APOB: variants seen among roughly 807,000 people sequenced by gnomAD.
APOB encodes apolipoprotein B-100.
In APOB, 153 loss-of-function variants were observed where a neutral mutation model predicts 314.1. The ratio of observed to expected loss-of-function variants is 0.49; its 90% CI spans 0.43 to 0.56. APOB has a LOEUF of 0.56. APOB is among the 20% of genes least tolerant of loss of function. APOB has a pLI of 0.00. For missense variants in APOB, 5,430 were observed against 5,350.7 expected, an observed-to-expected ratio of 1.01 and a Z score of -0.46; for synonymous variants, 2,087 against 2,036.4, an observed-to-expected ratio of 1.02 and a Z score of -0.67.
chr2:21,002,950 G>C lies in APOB; in HGVS notation c.12472C>G (p.Gln4158Glu). ...AQNLYQELLT[Q>E]EGQASFQGLK... ...CCCTGGAAACTGGCTTGGCCTTCCT[G>C]AGTCAACAGTTCCTGGTACAGATTC... Residue 4158 changes from glutamine to glutamate, a missense_variant, in exon 29 of 29, where the codon CAG becomes GAG. Transcript: ENST00000233242. 6.2e-7 allele frequency: 1 copy of C among 1,610,972 alleles called. No homozygotes were observed. The highest frequency in any genetic ancestry group is 1.7e-4 in the Middle Eastern group (1 of 6,044).
In APOB at chr2:21,012,572, A is replaced by G. The variant is rs563766253; in HGVS notation, c.4296T>C (p.Asp1432=). Residue 1432 remains aspartate, a synonymous_variant, in exon 26 of 29, where the codon GAT becomes GAC. Transcript: ENST00000233242. ...CDGSLRHKFL[D]SNIKFSHVEK... The stretch of plus-strand genomic sequence containing the variant: ...CTACATGACTGAATTTGATATTCGA[A>G]TCTAGAAATTTGTGGCGTAGAGACC... 43 of 1,614,002 alleles carry G rather than the reference A, an allele frequency of 2.7e-5. No individual in the cohort carries two copies. In the South Asian group the frequency reaches 3.8e-4, roughly 14 times the overall value.
chr2:21,033,216 G>T, intron 9 of APOB, 83 bp downstream of exon 9: 2 of 1,040,386 alleles, frequency 1.9e-6, no homozygotes, highest in South Asian at 1.3e-5. Context: ...AATGGTCCCT[G>T]AGATTCTCCA....
chr2:21,036,472 C>T (rs1480756741), intron 6 of APOB, among the ~76,000 whole-genome samples: 1 of 152,154 alleles, frequency 6.6e-6, no homozygotes, highest in Non-Finnish European at 1.5e-5. Flanking sequence ...CAGGCTGGGG[C>T]TCATATCAGG....
rs886055576 is a variant in APOB at position 21,004,609 on chromosome 2, C to T, written c.11855G>A (p.Arg3952His). The T allele has an allele frequency of 6.8e-6, 11 of 1,613,810 alleles. No homozygotes were observed. Among genetic ancestry groups the T allele is most frequent in the African/African-American group, 2.7e-5 (2 of 74,894 alleles). ...TTCTTCATATTCTGCACTGAAGTCA[C>T]GGTGTGCAAATGTTCCTTTAGTCTT... ...ASKTKGTFAH[R>H]DFSAEYEEDG... The change falls in exon 27 of 29, where the codon CGT becomes CAT. Residue 3952 changes from arginine to histidine, a missense_variant. Physicochemically the swap from Arg to His is conservative, Grantham distance 29. Transcript: ENST00000233242.
chr2:21,014,304 C>G, intron 24 of APOB, 144 bp downstream of exon 24: 1 of 916,258 alleles, frequency 1.1e-6, no homozygotes, highest in Non-Finnish European at 1.6e-6. Context: ...AAAGATGCCA[C>G]AGTGTTTGTG....
chr2:21,034,570 G>A (rs145710867), intron 8 of APOB, among the ~76,000 whole-genome samples: 3 of 152,290 alleles, frequency 2.0e-5, no homozygotes, highest in East Asian at 1.9e-4. Flanking sequence ...AATATGTCAT[G>A]TTAAACTTAG....
intron 15 of APOB, among the ~76,000 whole-genome samples, chr2:21,025,624 G>A (rs761465189): frequency 2.0e-5 from 3 of 152,178 alleles, no homozygotes; most frequent in African/African-American, 2.4e-5. Flanking sequence ...AAAAAAAAAT[G>A]TGAAACTGAC....
rs1663032823 is a variant in APOB at position 21,002,994 on chromosome 2, T to C, written c.12428A>G (p.Glu4143Gly). ...AASGTTGTYQ[E>G]WKDKAQNLYQ... ...CAGATTCTGGGCCTTGTCCTTCCACTCTTGGTAGGTCCCAGTGGTGCCACT... is the reference window on the plus strand; with the variant it reads ...CAGATTCTGGGCCTTGTCCTTCCACCCTTGGTAGGTCCCAGTGGTGCCACT... The change falls in exon 29 of 29, where the codon GAG becomes GGG. Residue 4143 changes from glutamate to glycine, a missense_variant. Glu to Gly is a moderately conservative substitution (Grantham distance 98, BLOSUM62 -2). Coordinates refer to ENST00000233242, the MANE Select transcript of APOB (RefSeq NM_000384.3). 6.3e-7 allele frequency: 1 copy of C among 1,584,776 alleles called. No individual in the cohort carries two copies. The highest frequency in any genetic ancestry group is 8.6e-7 in the Non-Finnish European group (1 of 1,163,924).
intron 18 of APOB, among the ~76,000 whole-genome samples, chr2:21,021,104 T>C (rs1009698241): frequency 6.6e-6 from 1 of 152,224 alleles, no homozygotes; most frequent in African/African-American, 2.4e-5. Flanking sequence ...CAGCTAGATT[T>C]CTAAACTGGT....
Position 21,006,143 on chromosome 2 carries a change from G to A in APOB, c.10725C>T (p.Gly3575=). The A allele has an allele frequency of 6.2e-7, 1 of 1,613,956 alleles. No individual in the cohort carries two copies. Among genetic ancestry groups the A allele is most frequent in the Non-Finnish European group, 8.5e-7 (1 of 1,179,950 alleles). ...HSTKNHLQLE[G]LFFTNGEHTS... The stretch of plus-strand genomic sequence containing the variant: ...TATGTTCTCCGTTGGTGAAAAAGAG[G>A]CCCTCTAGCTGTAAGTGGTTTTTCG... The change falls in exon 26 of 29, where the codon GGC becomes GGT. Residue 3575 remains glycine, a synonymous_variant. Transcript: ENST00000233242.
At chr2:21,023,474 C>A in intron 17 of APOB, 51 bp downstream of exon 17, 1 of 1,597,664 alleles carries the variant, frequency 6.3e-7, no homozygotes, top group Non-Finnish European at 8.6e-7. Context: ...AAGAAATGCA[C>A]CCTGGAAGAA....
chr2:21,034,229 C>T (rs915106492), intron 8 of APOB, among the ~76,000 whole-genome samples: 26 of 152,188 alleles, frequency 1.7e-4, no homozygotes, highest in African/African-American at 6.3e-4. Flanking sequence ...TAATATTCTG[C>T]GGCCTTGACT....
In APOB at chr2:21,008,088, C is replaced by T. The variant is rs1238287235; in HGVS notation, c.8780G>A (p.Gly2927Glu). ...GHIAWTSSGK[G>E]SWKWACPRFS... ...TCTGGGGCAGGCCCATTTCCATGAC[C>T]CTTTTCCAGAAGAAGTCCATGCTAT... Residue 2927 changes from glycine to glutamate, a missense_variant, in exon 26 of 29, where the codon GGG (glycine) becomes GAG (glutamate). Transcript: ENST00000233242. The T allele has an allele frequency of 6.2e-7, 1 of 1,613,914 alleles. No homozygotes were observed. The highest frequency in any genetic ancestry group is 1.3e-5 in the African/African-American group (1 of 74,902).
In APOB at chr2:21,001,769, G is replaced by A. The variant is rs2103345991; in HGVS notation, c.13653C>T (p.Tyr4551=). ...KLQSTTVMNP[Y]MKLAPGELTI... is the part of the protein sequence containing the mutation. ...TAAGTTCTCCTGGAGCAAGCTTCAT[G>A]TAGGGGTTCATGACTGTGGTTGATT... Residue 4551 remains tyrosine, a synonymous_variant, in exon 29 of 29, where the codon TAC becomes TAT. Coordinates refer to ENST00000233242, the MANE Select transcript of APOB (RefSeq NM_000384.3). 1.9e-6 allele frequency: 3 copies of A among 1,614,032 alleles called. No homozygotes were observed. Among genetic ancestry groups the A allele is most frequent in the African/African-American group, 1.3e-5 (1 of 75,054 alleles).
intron 1 of APOB, 152 bp from the exon 2 acceptor site, chr2:21,043,703 C>A (rs1476140292): frequency 2.0e-6 from 3 of 1,502,958 alleles, no homozygotes; most frequent in Non-Finnish European, 2.7e-6. Context: ...CCGCGCCCCC[C>A]ATCCTGAGCC....
At position 21,006,819 on chromosome 2, in the gene APOB, A is replaced by G. The variant is rs756338430; in HGVS notation, c.10049T>C (p.Leu3350Pro). ...GTTAAAAAGTTCAGCATTGGTATTC[A>G]GTGTGATGACACTTGATTTAAAGGA... Reference protein sequence around the residue: ...DFSFKSSVITLNTNAELFNQS... With the variant: ...DFSFKSSVITPNTNAELFNQS... The change falls in exon 26 of 29, where the codon CTG becomes CCG. Residue 3350 changes from leucine to proline, a missense_variant. Around this residue, in one of 3 missense-constraint regions of APOB, gnomAD observed 3,281 missense variants for 3,171.0 expected, o/e 1.03. Transcript: ENST00000233242. 3 of 1,614,140 alleles carry G rather than the reference A, an allele frequency of 1.9e-6. No homozygotes were observed. Among genetic ancestry groups the G allele is most frequent in the Admixed American group, 1.7e-5 (1 of 60,026 alleles).
intron 14 of APOB, among the ~76,000 whole-genome samples, chr2:21,027,541 C>A (rs1288543546): frequency 1.3e-5 from 2 of 152,062 alleles, no homozygotes; most frequent in African/African-American, 2.4e-5. Flanking sequence ...TGTCGATATC[C>A]TGACCTCATG....
rs1473692155 is a variant in APOB at position 21,007,267 on chromosome 2, T to A, written c.9601A>T (p.Ile3201Phe). The change falls in exon 26 of 29, where the codon ATC becomes TTC. Residue 3201 changes from isoleucine to phenylalanine, a missense_variant. Physicochemically the swap from Ile to Phe is conservative, Grantham distance 21. Around this residue, in one of 3 missense-constraint regions of APOB, gnomAD observed 3,281 missense variants for 3,171.0 expected, o/e 1.03. Transcript: ENST00000233242. ...TCAAAATGCCTGTCAAAGGATTTGA[T>A]GCTCTGACTGATAAACTCACAAAGC... is the stretch of plus-strand genomic sequence containing the variant. ...AVLCEFISQSIKSFDRHFEKN... is the reference protein window; with the variant it reads ...AVLCEFISQSFKSFDRHFEKN... The A allele has an allele frequency of 1.9e-6, 3 of 1,613,504 alleles. No individual in the cohort carries two copies. The highest frequency in any genetic ancestry group is 2.5e-6 in the Non-Finnish European group (3 of 1,179,654).
chr2:21,030,164 A>G (rs1663839275), intron 10 of APOB, 149 bp from the exon 11 acceptor site: 1 of 655,314 alleles, frequency 1.5e-6, no homozygotes, highest in African/African-American at 1.8e-5. Context: ...AGCAAAAAGA[A>G]CATAGCTGGA....
Sources: allele counts gnomAD v4.1 joint callset (sites outside exome capture counted in the v4.1 genomes callset), GRCh38; gene constraint gnomAD v4.1.1; regional missense constraint gnomAD v4.1.1; transcripts MANE v1.5; gene names NCBI Gene and HGNC (gene_info 2026-07-23, HGNC 2026-07-21).